Variants in SULF2 observed in about 807,000 individuals in gnomAD.
The protein encoded by SULF2 is sulfatase 2.
SULF2 carries 52 observed loss-of-function variants against 107.7 expected under a neutral mutation model. The observed-to-expected ratio is 0.48, with a 90% confidence interval of 0.39 to 0.61. SULF2 has a LOEUF of 0.61. SULF2 is among the 20% of genes least tolerant of loss of function. SULF2 has a pLI of 0.00. For synonymous variants in SULF2, 460 were observed against 464.3 expected (o/e 0.99, Z 0.12); for missense variants, 993 against 1,177.3 (o/e 0.84, Z 2.29).
chr20:47,664,214 G>A (rs776290969), intron 14 of SULF2, 25 bp from the exon 15 acceptor site: 15 of 1,605,764 alleles, frequency 9.3e-6, no homozygotes, highest in East Asian at 2.2e-5. Flanking sequence ...CCCAGCCCCA[G>A]GCTTCAGGAG....
chr20:47,668,584 T>C (rs2087354279), intron 11 of SULF2, among the ~76,000 whole-genome samples: 1 of 152,220 alleles, frequency 6.6e-6, no homozygotes, highest in African/African-American at 2.4e-5. Context: ...CCTGAGCACA[T>C]GTGTGGCCCC....
intron 2 of SULF2, among the ~76,000 whole-genome samples, chr20:47,746,638 C>G (rs1255175686): frequency 6.6e-6 from 1 of 152,022 alleles, no homozygotes; most frequent in Admixed American, 6.6e-5. Context: ...CAGCAGAAAT[C>G]GGGAGCCACA....
chr20:47,669,005 C>T (rs577689944), intron 11 of SULF2, among the ~76,000 whole-genome samples: 47 of 152,296 alleles, frequency 3.1e-4, no homozygotes, highest in African/African-American at 1.1e-3. Context: ...GTCCATTGAG[C>T]GCCATTCTGG....
chr20:47,734,878 G>A (rs964690246), intron 3 of SULF2, among the ~76,000 whole-genome samples: 1 of 152,170 alleles, frequency 6.6e-6, no homozygotes, highest in Admixed American at 6.5e-5. Context: ...CAGCTTTTTG[G>A]TGATTTGCAT....
At chr20:47,702,816 T>C in intron 3 of SULF2, 146 bp from the exon 4 acceptor site, 1 of 641,990 alleles carries the variant, frequency 1.6e-6, no homozygotes, top group Non-Finnish European at 2.7e-6. Context: ...TTCTCCAATG[T>C]TATTACGTGC....
intron 3 of SULF2, among the ~76,000 whole-genome samples, chr20:47,736,044 G>C (rs1045828879): frequency 1.3e-5 from 2 of 152,184 alleles, no homozygotes; most frequent in Non-Finnish European, 2.9e-5. Context: ...TGAGTCTGGA[G>C]GGTTTTGCAA....
intron 1 of SULF2, among the ~76,000 whole-genome samples, chr20:47,770,392 T>G (rs1018755913): frequency 3.9e-5 from 6 of 151,934 alleles, no homozygotes; most frequent in Admixed American, 6.5e-5. Context: ...TCCTTCTGAC[T>G]ATGTGAGGGG....
At chr20:47,696,144 G>C (rs1455148850) in intron 4 of SULF2, among the ~76,000 whole-genome samples, 1 of 152,160 alleles carries the variant, frequency 6.6e-6, no homozygotes, top group South Asian at 2.1e-4. Context: ...TATGTGGCCC[G>C]GTTACATTAC....
chr20:47,731,185 C>CTTTTTTTTTTTTTTTTTT (rs199660759), intron 3 of SULF2, among the ~76,000 whole-genome samples: 6 of 93,334 alleles, frequency 6.4e-5, no homozygotes, highest in African/African-American at 3.5e-4. Context: ...CCTGTATCTT[C>CTTTTTTTTTTTTTTTTTT]TCTTTTTTTT....
intron 4 of SULF2, among the ~76,000 whole-genome samples, chr20:47,693,311 C>A (rs1049269848): frequency 6.6e-6 from 1 of 152,168 alleles, no homozygotes; most frequent in African/African-American, 2.4e-5. Flanking sequence ...CAGGAAATGG[C>A]ATGAGAATGA....
At chr20:47,682,549 G>A (rs562135329) in intron 7 of SULF2, among the ~76,000 whole-genome samples, 2 of 152,302 alleles carry the variant, frequency 1.3e-5, no homozygotes, top group Admixed American at 6.5e-5. Flanking sequence ...AGGAAGGATG[G>A]GAGGGAAGAG....
At position 47,691,519 on chromosome 20, in the gene SULF2, TA is replaced by T. The variant is rs1251240645; in HGVS notation, c.568-1225del. Among the ~76,000 whole-genome samples the T allele has an allele frequency of 2.6e-5, 4 of 152,120 alleles. No individual in the cohort carries two copies. The East Asian group carries it at 7.7e-4, about 29-fold the overall frequency. On this transcript the variant is annotated intron_variant, in intron 4 of 20. Transcript: ENST00000688720. ...CGGTTTGGCCCAGGTATCAGACTTT[TA>T]AAAAACTCCCCAGGGGATTCTAATG... is the stretch of plus-strand genomic sequence containing the variant.
intron 2 of SULF2, among the ~76,000 whole-genome samples, chr20:47,740,030 T>G (rs575309312): frequency 2.0e-4 from 31 of 152,324 alleles, no homozygotes; most frequent in African/African-American, 7.5e-4. Flanking sequence ...GTTGCAACCT[T>G]CTGATATAGC....
At chr20:47,728,665 A>G (rs1600589591) in intron 3 of SULF2, among the ~76,000 whole-genome samples, 1 of 152,010 alleles carries the variant, frequency 6.6e-6, no homozygotes, top group Non-Finnish European at 1.5e-5. Context: ...TATTTTTGAG[A>G]TAGAGTCTCA....
Position 47,690,108 on chromosome 20 carries a change from C to G in SULF2, c.737+18G>C. On this transcript the variant is annotated intron_variant, in intron 5 of 20. Transcript: ENST00000688720. ...CATGCTAAGCAGTGCCTCTGGCAGGCAGAGTGCTGAGGCTTACATGTGCTG... is the reference window on the plus strand; with the variant it reads ...CATGCTAAGCAGTGCCTCTGGCAGGGAGAGTGCTGAGGCTTACATGTGCTG... 1 of 1,397,996 alleles carries G rather than the reference C, an allele frequency of 7.2e-7. No individual in the cohort carries two copies. Among genetic ancestry groups the G allele is most frequent in the Non-Finnish European group, 9.4e-7 (1 of 1,061,880 alleles). The allele number at this position is 1,397,996 out of a possible 1,614,324, so 86.6% of individuals were successfully genotyped here. A position where few individuals can be genotyped will look rare whatever the true frequency, so the allele number is the denominator to read the frequency against.
At chr20:47,679,723 T>C (rs1056911354) in intron 7 of SULF2, among the ~76,000 whole-genome samples, 3 of 152,162 alleles carry the variant, frequency 2.0e-5, no homozygotes, top group Non-Finnish European at 4.4e-5. Flanking sequence ...CAGACGACCC[T>C]GCAGGGCTAG....
At chr20:47,726,135 C>A (rs756706844) in intron 3 of SULF2, among the ~76,000 whole-genome samples, 1 of 152,170 alleles carries the variant, frequency 6.6e-6, no homozygotes, top group Admixed American at 6.5e-5. Flanking sequence ...CCACCCCCTG[C>A]GTTTTTATTG....
intron 1 of SULF2, among the ~76,000 whole-genome samples, chr20:47,775,312 T>C (rs992275703): frequency 4.6e-5 from 7 of 152,194 alleles, no homozygotes; most frequent in East Asian, 1.9e-4. Flanking sequence ...CAAGTAGCCA[T>C]AGGGCAGAGC....
intron 12 of SULF2, 44 bp from the exon 13 acceptor site, chr20:47,665,997 G>A: frequency 1.9e-6 from 3 of 1,604,868 alleles, no homozygotes; most frequent in Non-Finnish European, 2.6e-6. Flanking sequence ...GGTGGTGGAG[G>A]GGGAGCAGCC....
Sources: allele counts gnomAD v4.1 joint callset (sites outside exome capture counted in the v4.1 genomes callset), GRCh38; gene constraint gnomAD v4.1.1; transcripts MANE v1.5; gene names NCBI Gene and HGNC (gene_info 2026-07-23, HGNC 2026-07-21).